The following TIA1 variants were observed in gnomAD, a reference collection of about 807,000 sequenced individuals.
The protein encoded by TIA1 is TIA1 cytotoxic granule associated RNA binding protein, also known as cytotoxic granule associated RNA binding protein TIA1.
TIA1 carries 23 observed loss-of-function variants against 65.9 expected under a neutral mutation model. The observed-to-expected ratio is 0.35, with a 90% CI of 0.25 to 0.49. The LOEUF is 0.49. TIA1 is among the 20% of genes least tolerant of loss of function. The pLI is 0.98. For missense variants in TIA1, 371 were observed against 477.9 expected (o/e 0.78, Z 2.09); for synonymous variants, 147 against 149.4 (o/e 0.98, Z 0.12).
At chr2:70,224,215 G>T (rs1228242380) in intron 7 of TIA1, among the ~76,000 whole-genome samples, 3 of 152,194 alleles carry the variant, frequency 2.0e-5, no homozygotes. Flanking sequence ...ACTGCGTCCG[G>T]CCTCCTCACA....
Position 70,246,284 on chromosome 2 carries a change from T to C in TIA1, c.26+2121A>G, listed in dbSNP as rs578148198. ...CTTACCATGGACCACACTAAGAACA[T>C]ATATTGAGAGGCTGTGTTTTTAATG... On this transcript the variant is annotated intron_variant, in intron 1 of 12. Transcript: ENST00000433529. Among the ~76,000 whole-genome samples the C allele has an allele frequency of 5.9e-5, 9 of 152,264 alleles. No homozygotes were observed. The South Asian group carries it at 1.7e-3, about 28-fold the overall frequency.
intron 7 of TIA1, among the ~76,000 whole-genome samples, chr2:70,217,667 G>C (rs768000084): frequency 6.6e-6 from 1 of 152,162 alleles, no homozygotes; most frequent in Non-Finnish European, 1.5e-5. Context: ...AAAGTGCTGG[G>C]ATTACAGGCG....
intron 7 of TIA1, among the ~76,000 whole-genome samples, chr2:70,222,637 C>A (rs773363761): frequency 1.3e-5 from 2 of 152,130 alleles, no homozygotes; most frequent in Non-Finnish European, 2.9e-5. Flanking sequence ...TATTTACTGC[C>A]GGGCGCAGTG....
At position 70,236,282 on chromosome 2, in the gene TIA1, T is replaced by A; in HGVS notation, c.27-107A>T. 3.1e-6 allele frequency: 2 copies of A among 649,642 alleles called. 1 individual carries two copies. Among genetic ancestry groups the A allele is most frequent in the South Asian group, 3.6e-5 (2 of 54,996 alleles). 40.2% of individuals were successfully genotyped at this position (649,642 alleles called of 1,614,324 possible). ...GGCACGATCTCGGCTCACCACAACC[T>A]CCGCCTCCAGGGTTCAAGTGATTCC... On this transcript the variant is annotated intron_variant, in intron 1 of 12. Coordinates refer to ENST00000433529, the MANE Select transcript of TIA1 (RefSeq NM_022173.4).
upstream of TIA1, chr2:70,248,658 G>C: frequency 1.6e-6 from 1 of 611,382 alleles, no homozygotes; most frequent in Non-Finnish European, 2.9e-6. Context: ...AGCCAGCAAA[G>C]TTACCCGGGC....
chr2:70,224,623 G>T lies in TIA1; in HGVS notation c.405C>A (p.Ala135=), dbSNP rs758482149. Residue 135 remains alanine (A), a synonymous_variant, in exon 7 of 13, where the codon GCC becomes GCA. Transcript: ENST00000433529. ...CTGTTGCCATGTCTTTTACCACTCGGGCATCTCTGAAATCAGAAACAATCA... is the reference window on the plus strand; with the variant it reads ...CTGTTGCCATGTCTTTTACCACTCGTGCATCTCTGAAATCAGAAACAATCA... ...AFAPFGRISD[A]RVVKDMATGK... is the part of the protein sequence containing the mutation. 21 of 1,612,938 alleles carry T rather than the reference G, an allele frequency of 1.3e-5. No individual in the cohort carries two copies. In the Admixed American group the frequency reaches 1.5e-4, roughly 12 times the overall value.
At chr2:70,224,734 G>A in intron 6 of TIA1, 105 bp from the exon 7 acceptor site, 1 of 1,484,994 alleles carries the variant, frequency 6.7e-7, no homozygotes, top group South Asian at 1.4e-5. Context: ...TCATTAAAGT[G>A]AACCTTTAAT....
chr2:70,228,716 T>C, intron 5 of TIA1: 2 of 985,416 alleles, frequency 2.0e-6, no homozygotes, highest in Non-Finnish European at 2.4e-6. Context: ...GGATTGCTCT[T>C]TGGGAAACAA....
chr2:70,245,993 G>A (rs528461443), intron 1 of TIA1, among the ~76,000 whole-genome samples: 3 of 143,818 alleles, frequency 2.1e-5, no homozygotes, highest in Non-Finnish European at 3.0e-5. Flanking sequence ...GCGCAACCTC[G>A]GCTCACTGCA....
intron 7 of TIA1, among the ~76,000 whole-genome samples, chr2:70,217,558 T>C (rs147604529): frequency 0.027 from 4,180 of 152,210 alleles, 368 homozygotes; most frequent in Admixed American, 0.17. Context: ...CCACCACGCC[T>C]GGCTCATTTT....
chr2:70,246,727 A>C (rs947259152), intron 1 of TIA1, among the ~76,000 whole-genome samples: 4 of 152,126 alleles, frequency 2.6e-5, no homozygotes, highest in Admixed American at 6.5e-5. Flanking sequence ...CTCTACTAAA[A>C]ATACAAAAAT....
At chr2:70,224,728 T>C in intron 6 of TIA1, 99 bp from the exon 7 acceptor site, 3 of 1,507,080 alleles carry the variant, frequency 2.0e-6, no homozygotes, top group Non-Finnish European at 2.7e-6. Context: ...TCACCTTCAT[T>C]AAAGTGAACC....
chr2:70,216,590 C>T, intron 8 of TIA1, 91 bp from the exon 9 acceptor site: 1 of 1,350,674 alleles, frequency 7.4e-7, no homozygotes, highest in Non-Finnish European at 1.0e-6. Flanking sequence ...GTAAAGGTAA[C>T]ATTAACCTTG....
At chr2:70,213,480 G>T (rs1219259407) in intron 12 of TIA1, among the ~76,000 whole-genome samples, 1 of 150,804 alleles carries the variant, frequency 6.6e-6, no homozygotes, top group Non-Finnish European at 1.5e-5. Context: ...GAACATCTGG[G>T]ATTATAGGCA....
At chr2:70,228,762 G>T in intron 5 of TIA1, 4 of 1,305,764 alleles carry the variant, frequency 3.1e-6, no homozygotes, top group African/African-American at 1.5e-5. Flanking sequence ...GGAAGATCTG[G>T]GTATGAAGCC....
At chr2:70,236,680 G>A (rs989419129) in intron 1 of TIA1, among the ~76,000 whole-genome samples, 4 of 152,040 alleles carry the variant, frequency 2.6e-5, no homozygotes, top group African/African-American at 9.7e-5. Context: ...AGACTAGAGT[G>A]TAGTGGCGCA....
chr2:70,236,693 C>A lies in TIA1; in HGVS notation c.27-518G>T, dbSNP rs561925084. On this transcript the variant is annotated intron_variant, in intron 1 of 12. Transcript: ENST00000433529. ...CCAGACTAGAGTGTAGTGGCGCAAT[C>A]TTGGCTCACTACAATCTCCACCTCC... Among the ~76,000 whole-genome samples the A allele has an allele frequency of 2.0e-5, 3 of 152,152 alleles. No homozygotes were observed. The South Asian group carries it at 6.2e-4, about 32-fold the overall frequency.
chr2:70,215,567 A>G (rs1330932989), intron 10 of TIA1, 73 bp from the exon 11 acceptor site: 1 of 1,395,258 alleles, frequency 7.2e-7, no homozygotes, highest in African/African-American at 1.5e-5. Context: ...TATTTTTAAA[A>G]ATCAAGGTGA....
chr2:70,227,948 C>A, intron 5 of TIA1, 126 bp from the exon 6 acceptor site: 2 of 591,228 alleles, frequency 3.4e-6, no homozygotes, highest in Non-Finnish European at 5.8e-6. Flanking sequence ...AAATAAAACA[C>A]TATCCTATAT....
Sources: gnomAD v4.1 joint callset for allele counts (sites outside exome capture counted in the v4.1 genomes callset) on GRCh38, gnomAD v4.1.1 for gene constraint, MANE v1.5 for transcripts, NCBI Gene and HGNC (gene_info 2026-07-23, HGNC 2026-07-21) for gene names.